Variants in DNM3 observed in about 807,000 individuals in gnomAD.
DNM3 encodes the protein dynamin 3.
A neutral mutation model predicts 101.6 loss-of-function variants in DNM3; 47 were observed. The ratio of observed to expected loss-of-function variants is 0.46; its 90% CI spans 0.37 to 0.59. The LOEUF (loss-of-function observed/expected upper bound fraction) is 0.59, where lower values mean the gene tolerates loss of function less well. Among genes scored for constraint, DNM3 ranks in the 20% least tolerant of loss-of-function variants. The pLI, the probability that DNM3 is intolerant of heterozygous loss-of-function variation, is 0.00. For synonymous variants in DNM3, 385 were observed against 387.9 expected (o/e 0.99, Z 0.09); for missense variants, 849 against 1,085.7 (o/e 0.78, Z 3.06).
chr1:172,191,281 C>T (rs906958517), intron 14 of DNM3, among the ~76,000 whole-genome samples: 1 of 152,056 alleles, frequency 6.6e-6, no homozygotes, highest in Non-Finnish European at 1.5e-5. Context: ...GGAATCTTTC[C>T]CCATTTCTTG....
At chr1:172,044,568 G>T in intron 9 of DNM3, 116 bp downstream of exon 9, 1 of 805,974 alleles carries the variant, frequency 1.2e-6, no homozygotes, top group South Asian at 2.1e-5. Context: ...TACAGAGGTG[G>T]GAGTAAGAAA....
At chr1:172,131,148 C>A (rs2056916132) in intron 13 of DNM3, 27 bp from the exon 14 acceptor site, 1 of 1,604,686 alleles carries the variant, frequency 6.2e-7, no homozygotes, top group Admixed American at 1.7e-5. Flanking sequence ...AAACTAAACA[C>A]CTCTGCTGAT....
chr1:172,348,606 TA>T (rs1337401562), intron 17 of DNM3, among the ~76,000 whole-genome samples: 3 of 152,058 alleles, frequency 2.0e-5, no homozygotes, highest in African/African-American at 7.2e-5. Flanking sequence ...GAAATAAATG[TA>T]AACCAAAAAA....
chr1:172,267,396 A>T lies in DNM3; in HGVS notation c.1769+13714A>T, dbSNP rs531193528. 4.3e-4 allele frequency among the ~76,000 whole-genome samples: 66 copies of T among 152,338 alleles called. 1 individual carries two copies. Among genetic ancestry groups the T allele is most frequent in the African/African-American group, 1.5e-3 (64 of 41,586 alleles). ...TCTAGAAGCCTAGAACTTCAAATGC[A>T]AGTGGGATGAAAATGGAAATACAGA... is the stretch of plus-strand genomic sequence containing the variant. On this transcript the variant is annotated intron_variant, in intron 15 of 20. Transcript: ENST00000627582.
chr1:172,226,277 T>C (rs534594089), intron 14 of DNM3, among the ~76,000 whole-genome samples: 1 of 152,312 alleles, frequency 6.6e-6, no homozygotes, highest in South Asian at 2.1e-4. Flanking sequence ...CTAGCTGTTA[T>C]GCCAGTCTCC....
intron 14 of DNM3, among the ~76,000 whole-genome samples, chr1:172,222,714 A>G (rs112310329): frequency 9.1e-4 from 139 of 152,248 alleles, no homozygotes; most frequent in Non-Finnish European, 1.7e-3. Flanking sequence ...ATTATTGACA[A>G]TGGCGCCAAA....
At chr1:172,152,208 A>C (rs909940588) in intron 14 of DNM3, among the ~76,000 whole-genome samples, 1 of 151,856 alleles carries the variant, frequency 6.6e-6, no homozygotes, top group Non-Finnish European at 1.5e-5. Flanking sequence ...AATTTGCCAG[A>C]AGTAATTGCC....
At chr1:171,919,288 T>C (rs1013279580) in intron 1 of DNM3, among the ~76,000 whole-genome samples, 2 of 152,340 alleles carry the variant, frequency 1.3e-5, no homozygotes, top group African/African-American at 4.8e-5. Context: ...GTATTTCTCC[T>C]AATGCTGTCC....
At chr1:172,051,730 C>G (rs977330772) in intron 10 of DNM3, among the ~76,000 whole-genome samples, 2 of 152,160 alleles carry the variant, frequency 1.3e-5, no homozygotes, top group African/African-American at 4.8e-5. Context: ...TGGGAGCCTC[C>G]TGTTATTTCC....
chr1:171,944,850 G>GGTTCTTTTT (rs2042056274), intron 2 of DNM3, among the ~76,000 whole-genome samples: 1 of 43,828 alleles, frequency 2.3e-5, no homozygotes, highest in African/African-American at 9.5e-5. Flanking sequence ...TTTTTTTGGT[G>GGTTCTTTTT]TTTCCTTTTT....
rs779898739 is a variant in DNM3 at position 172,412,055 on chromosome 1, G to A, written c.*4214G>A. The A allele has an allele frequency of 6.9e-5, 68 of 985,496 alleles. No individual in the cohort carries two copies. The highest frequency in any genetic ancestry group is 7.7e-5 in the Non-Finnish European group (64 of 829,808). 61.0% of individuals were successfully genotyped at this position (985,496 alleles called of 1,614,324 possible). On this transcript the variant is annotated 3_prime_UTR_variant, in exon 21 of 21. Transcript: ENST00000627582. ...TGCACTGCTATTTGTGTGTGTGTGT[G>A]TGTCTTTGTATATATGTAAGAATGT...
At chr1:172,233,066 C>T (rs1480188761) in intron 14 of DNM3, among the ~76,000 whole-genome samples, 1 of 151,990 alleles carries the variant, frequency 6.6e-6, no homozygotes, top group African/African-American at 2.4e-5. Context: ...GATAGAGACA[C>T]AAAAACCCTT....
intron 14 of DNM3, among the ~76,000 whole-genome samples, chr1:172,232,685 TG>T (rs2061384588): frequency 6.6e-6 from 1 of 152,174 alleles, no homozygotes; most frequent in African/African-American, 2.4e-5. Flanking sequence ...TATAACAAAC[TG>T]TCTCTCAGAC....
At chr1:171,949,903 C>A (rs1456247153) in intron 2 of DNM3, among the ~76,000 whole-genome samples, 1 of 152,118 alleles carries the variant, frequency 6.6e-6, no homozygotes, top group Non-Finnish European at 1.5e-5. Context: ...TACCATATGA[C>A]CCAGCCAATC....
At chr1:172,123,996 A>G (rs1222620924) in intron 13 of DNM3, among the ~76,000 whole-genome samples, 1 of 152,206 alleles carries the variant, frequency 6.6e-6, no homozygotes, top group Non-Finnish European at 1.5e-5. Flanking sequence ...GGGTCAAAGC[A>G]GTGCATTTGT....
chr1:171,985,618 T>C (rs974130084), intron 2 of DNM3, among the ~76,000 whole-genome samples: 5 of 152,180 alleles, frequency 3.3e-5, no homozygotes, highest in Non-Finnish European at 7.3e-5. Context: ...GCACATTATA[T>C]GGAGAAACTA....
intron 4 of DNM3, among the ~76,000 whole-genome samples, chr1:171,991,407 A>C (rs563645451): frequency 6.6e-4 from 101 of 152,038 alleles, no homozygotes; most frequent in Non-Finnish European, 1.2e-3. Flanking sequence ...TGTTCTATTA[A>C]TTTGCTAGAG....
chr1:172,193,958 G>A (rs558655583), intron 14 of DNM3, among the ~76,000 whole-genome samples: 292 of 152,244 alleles, frequency 1.9e-3, no homozygotes, highest in African/African-American at 6.8e-3. Flanking sequence ...ATGTTAGGGT[G>A]TCAATTTTGG....
chr1:172,239,798 C>T (rs200385524), intron 14 of DNM3, among the ~76,000 whole-genome samples: 50 of 106,864 alleles, frequency 4.7e-4, no homozygotes, highest in South Asian at 1.3e-3. Context: ...CTTTTTTTTT[C>T]TCTTTTTTTT....
Sources: allele counts gnomAD v4.1 joint callset (sites outside exome capture counted in the v4.1 genomes callset), GRCh38; gene constraint gnomAD v4.1.1; transcripts MANE v1.5; gene names NCBI Gene and HGNC (gene_info 2026-07-23, HGNC 2026-07-21).